The following IQCJ variants were observed in gnomAD, a reference collection of about 807,000 sequenced individuals.
IQCJ encodes IQ domain-containing protein J.
Under a neutral mutation model 11.0 loss-of-function variants are expected in IQCJ, and 9 were observed. That is an observed-to-expected ratio of 0.82 (90% confidence interval 0.49 to 1.43). IQCJ has a LOEUF of 1.43. Among genes scored for constraint, IQCJ ranks in the 40% most tolerant of loss-of-function variants. The probability of loss-of-function intolerance (pLI) is 0.00; values close to 1 mark genes in which losing one functional copy is unlikely to be tolerated. For synonymous variants in IQCJ, 55 were observed against 51.3 expected (o/e 1.07, Z -0.31); for missense variants, 146 against 133.2 (o/e 1.10, Z -0.47).
At chr3:159,148,521 G>T (rs76941977) in intron 1 of IQCJ, among the ~76,000 whole-genome samples, 1 of 152,282 alleles carries the variant, frequency 6.6e-6, no homozygotes, top group East Asian at 1.9e-4. Flanking sequence ...TAAGATATAT[G>T]CTTAAATATC....
intron 1 of IQCJ, among the ~76,000 whole-genome samples, chr3:159,078,644 G>A (rs1227187485): frequency 6.7e-6 from 1 of 149,776 alleles, no homozygotes; most frequent in African/African-American, 2.5e-5. Context: ...GTATTTTCTT[G>A]GAATTACTTT....
intron 1 of IQCJ, among the ~76,000 whole-genome samples, chr3:159,129,794 G>A (rs1267501986): frequency 1.3e-5 from 2 of 152,052 alleles, no homozygotes; most frequent in Non-Finnish European, 2.9e-5. Flanking sequence ...TATCCCCTAG[G>A]CATGTCACCC....
chr3:159,148,823 AGGTT>A (rs1196776881), intron 1 of IQCJ, among the ~76,000 whole-genome samples: 2 of 152,188 alleles, frequency 1.3e-5, no homozygotes, highest in African/African-American at 4.8e-5. Flanking sequence ...ATAAGGTCAA[AGGTT>A]ATATAAAATT....
intron 1 of IQCJ, among the ~76,000 whole-genome samples, chr3:159,122,595 C>T (rs1480579163): frequency 1.3e-5 from 2 of 152,140 alleles, no homozygotes; most frequent in Non-Finnish European, 2.9e-5. Context: ...CGAAAAGTTT[C>T]CTTTTCTTCA....
At chr3:159,238,615 T>C (rs911532625) in intron 1 of IQCJ, among the ~76,000 whole-genome samples, 8 of 152,048 alleles carry the variant, frequency 5.3e-5, no homozygotes, top group Admixed American at 4.6e-4. Flanking sequence ...GAGTAAATAT[T>C]AAAAATAAGG....
chr3:159,263,539 A>C lies in IQCJ; in HGVS notation c.*808A>C. ...TTAAGCATTGTGATAATTTGTAACC[A>C]GTCACTGAAATGCTGAAAAGTTAGA... On this transcript the variant is annotated 3_prime_UTR_variant, in exon 4 of 4. Coordinates refer to ENST00000397832, the MANE Select transcript of IQCJ (RefSeq NM_001042706.3). 1.0e-6 allele frequency: 1 copy of C among 985,194 alleles called. No homozygotes were observed. Among genetic ancestry groups the C allele is most frequent in the Non-Finnish European group, 1.2e-6 (1 of 829,714 alleles). The allele number at this position is 985,194 out of a possible 1,614,324, so 61.0% of individuals were successfully genotyped here.
At chr3:159,222,066 A>C (rs1164356001) in intron 1 of IQCJ, among the ~76,000 whole-genome samples, 1 of 152,170 alleles carries the variant, frequency 6.6e-6, no homozygotes, top group South Asian at 2.1e-4. Context: ...CCATATACTA[A>C]AATTGTAATA....
At chr3:159,106,757 T>C (rs547819760) in intron 1 of IQCJ, among the ~76,000 whole-genome samples, 1 of 152,216 alleles carries the variant, frequency 6.6e-6, no homozygotes, top group African/African-American at 2.4e-5. Flanking sequence ...TAGACACCAA[T>C]CACAAGTTTA....
intron 1 of IQCJ, among the ~76,000 whole-genome samples, chr3:159,160,516 T>A (rs988225537): frequency 4.0e-5 from 6 of 151,774 alleles, no homozygotes; most frequent in East Asian, 3.8e-4. Flanking sequence ...TATTTTTATT[T>A]TTTTATTTTA....
At chr3:159,092,515 C>T (rs1356465708) in intron 1 of IQCJ, among the ~76,000 whole-genome samples, 1 of 151,702 alleles carries the variant, frequency 6.6e-6, no homozygotes, top group African/African-American at 2.4e-5. Flanking sequence ...CTGGCTAACA[C>T]GGTGAAACCC....
rs370389352 is a variant in IQCJ, at chr3:159,220,042, A to T, written c.10-25801A>T. On this transcript the variant is annotated intron_variant, in intron 1 of 3. Transcript: ENST00000397832. The stretch of plus-strand genomic sequence containing the variant: ...CCCAATGGATGAGGGGCAAGTTTAC[A>T]AGTGGCGTGCTTCCATTCTTTCTAT... Among the ~76,000 whole-genome samples, 67 of 152,314 alleles carry T rather than the reference A, an allele frequency of 4.4e-4. No homozygotes were observed. In the East Asian group the frequency reaches 0.01, roughly 23 times the overall value.
chr3:159,144,037 G>A (rs938574547), intron 1 of IQCJ, among the ~76,000 whole-genome samples: 11 of 152,128 alleles, frequency 7.2e-5, no homozygotes, highest in African/African-American at 2.4e-4. Context: ...CATACTAATC[G>A]ATTCATGAGG....
At chr3:159,212,958 C>G (rs1725032414) in intron 1 of IQCJ, among the ~76,000 whole-genome samples, 1 of 152,138 alleles carries the variant, frequency 6.6e-6, no homozygotes, top group African/African-American at 2.4e-5. Flanking sequence ...CTTTTCTTTT[C>G]TTTCTTTCTT....
At chr3:159,115,190 G>A (rs1718895236) in intron 1 of IQCJ, among the ~76,000 whole-genome samples, 1 of 152,116 alleles carries the variant, frequency 6.6e-6, no homozygotes, top group African/African-American at 2.4e-5. Flanking sequence ...TTTATTTCTT[G>A]TCCACTCTCC....
intron 1 of IQCJ, among the ~76,000 whole-genome samples, chr3:159,199,609 G>A (rs1166602760): frequency 1.3e-5 from 2 of 152,110 alleles, no homozygotes; most frequent in Non-Finnish European, 2.9e-5. Flanking sequence ...TGTGGCGGGA[G>A]GAAAGCTGGT....
intron 1 of IQCJ, among the ~76,000 whole-genome samples, chr3:159,103,100 G>T (rs926909726): frequency 3.9e-5 from 6 of 152,228 alleles, no homozygotes; most frequent in African/African-American, 1.2e-4. Context: ...TGAATTAATG[G>T]TATATTTCAG....
At chr3:159,205,570 GC>G (rs1724611133) in intron 1 of IQCJ, among the ~76,000 whole-genome samples, 1 of 152,168 alleles carries the variant, frequency 6.6e-6, no homozygotes, top group Non-Finnish European at 1.5e-5. Flanking sequence ...GGAGTGTCCA[GC>G]CCCAACCCCA....
At chr3:159,217,851 TG>T (rs1187984434) in intron 1 of IQCJ, among the ~76,000 whole-genome samples, 2 of 152,122 alleles carry the variant, frequency 1.3e-5, no homozygotes, top group Non-Finnish European at 2.9e-5. Context: ...TAACCACCTA[TG>T]GGCTCGCAGA....
At chr3:159,103,596 G>A (rs959805017) in intron 1 of IQCJ, among the ~76,000 whole-genome samples, 44 of 152,190 alleles carry the variant, frequency 2.9e-4, no homozygotes, top group Admixed American at 2.4e-3. Context: ...AAATATTTAT[G>A]GAACAAGTTT....
Sources: allele counts gnomAD v4.1 joint callset (sites outside exome capture counted in the v4.1 genomes callset), GRCh38; gene constraint gnomAD v4.1.1; transcripts MANE v1.5; gene names NCBI Gene and HGNC (gene_info 2026-07-23, HGNC 2026-07-21).